The following STIMATE variants were observed in gnomAD, a reference collection of about 807,000 sequenced individuals.
The protein encoded by STIMATE is store-operated calcium entry regulator STIMATE.
Under a neutral mutation model 36.7 loss-of-function variants are expected in STIMATE, and 15 were observed. The observed-to-expected ratio is 0.41, with a 90% CI of 0.27 to 0.63. The LOEUF is 0.63. STIMATE is among the 20% of genes least tolerant of loss of function. The probability of loss-of-function intolerance (pLI) is 0.32; values close to 1 mark genes in which losing one functional copy is unlikely to be tolerated. For missense variants in STIMATE, 305 were observed against 397.3 expected (o/e 0.77, Z 1.98); for synonymous variants, 163 against 162.3 (o/e 1.00, Z -0.03).
intron 1 of STIMATE, among the ~76,000 whole-genome samples, chr3:52,877,615 G>A (rs943895704): frequency 1.3e-5 from 2 of 152,166 alleles, no homozygotes; most frequent in African/African-American, 4.8e-5. Flanking sequence ...ATGAAGTCTT[G>A]GATTAAGCTG....
At position 52,865,760 on chromosome 3, in the gene STIMATE, A is replaced by T. The variant is rs184435686; in HGVS notation, c.161-10316T>A. ...TTATCAGTACAAAATATATTCAGTG[A>T]AAAGTCTCCCTTCTGGCTGACATCC... On this transcript the variant is annotated intron_variant, in intron 1 of 7. Transcript: ENST00000355083. Among the ~76,000 whole-genome samples, 7 of 152,306 alleles carry T rather than the reference A, an allele frequency of 4.6e-5. No homozygotes were observed. In the East Asian group the frequency reaches 1.3e-3, roughly 29 times the overall value.
intron 1 of STIMATE, among the ~76,000 whole-genome samples, chr3:52,867,622 C>G (rs116043338): frequency 0.012 from 1,874 of 152,366 alleles, 38 homozygotes; most frequent in African/African-American, 0.042. Context: ...ATTTCTCAAG[C>G]TGTCTCACGG....
At position 52,850,792 on chromosome 3, in the gene STIMATE, G is replaced by A. The variant is rs190533681; in HGVS notation, c.306-879C>T. ...ATTGCCCATGCTGGAGTGCAGCGGT[G>A]CAATCAGCTCACTGCAGCTTCCGCC... On this transcript the variant is annotated intron_variant, in intron 3 of 7. Transcript: ENST00000355083. Among the ~76,000 whole-genome samples the A allele has an allele frequency of 7.4e-3, 1,123 of 152,306 alleles. 120 individuals are homozygous for A. In the South Asian group the frequency reaches 0.21, roughly 28 times the overall value.
In STIMATE at chr3:52,852,698, C is replaced by G; in HGVS notation, c.210G>C (p.Trp70Cys). ...PKHERRPWRIWFLDTSKQAIG... is the reference protein window; with the variant it reads ...PKHERRPWRICFLDTSKQAIG... ...TGGCTTGTTTGGAAGTGTCTAAAAA[C>G]CTGTACAAAATAAACCAGCACTGGT... is the stretch of plus-strand genomic sequence containing the variant. The change falls in exon 3 of 8, where the codon TGG (tryptophan) becomes TGC (cysteine). Residue 70 changes from tryptophan (W) to cysteine (C), a missense_variant and splice_region_variant. By Grantham distance (215) the Trp-to-Cys change is radical (BLOSUM62 -2). Coordinates refer to ENST00000355083, the MANE Select transcript of STIMATE (RefSeq NM_198563.5). 6.2e-7 allele frequency: 1 copy of G among 1,613,808 alleles called. No individual in the cohort carries two copies. Among genetic ancestry groups the G allele is most frequent in the East Asian group, 2.2e-5 (1 of 44,884 alleles).
intron 2 of STIMATE, among the ~76,000 whole-genome samples, chr3:52,855,157 T>C (rs1199088656): frequency 6.6e-6 from 1 of 152,076 alleles, no homozygotes; most frequent in East Asian, 1.9e-4. Flanking sequence ...CTTCTAGAAG[T>C]GGAAGCAGAG....
chr3:52,850,464 C>T (rs1029777949), intron 3 of STIMATE, among the ~76,000 whole-genome samples: 1 of 152,178 alleles, frequency 6.6e-6, no homozygotes, highest in Non-Finnish European at 1.5e-5. Flanking sequence ...CCTGCCAGTG[C>T]TTCTGCCAGG....
chr3:52,840,408 G>C lies in STIMATE; in HGVS notation c.*86C>G, dbSNP rs1488384378. 10 of 1,412,772 alleles carry C rather than the reference G, an allele frequency of 7.1e-6. No homozygotes were observed. The highest frequency in any genetic ancestry group is 5.1e-5 in the South Asian group (4 of 78,318). 87.5% of individuals were successfully genotyped at this position (1,412,772 alleles called of 1,614,324 possible). A position where few individuals can be genotyped will look rare whatever the true frequency, so the allele number is the denominator to read the frequency against. On this transcript the variant is annotated 3_prime_UTR_variant, in exon 8 of 8. Transcript: ENST00000355083. ...AGCAGAGGTAGAAAGGAAGGGCAGA[G>C]AGAGGGTAAGGAACGATGCTGCGGG...
intron 1 of STIMATE, among the ~76,000 whole-genome samples, chr3:52,894,282 C>G (rs1444637175): frequency 6.6e-6 from 1 of 152,190 alleles, no homozygotes; most frequent in African/African-American, 2.4e-5. Context: ...CCCGCCAACT[C>G]AACAAGGCAG....
chr3:52,841,455 A>G (rs1196201007), intron 7 of STIMATE, among the ~76,000 whole-genome samples: 1 of 152,206 alleles, frequency 6.6e-6, no homozygotes, highest in Non-Finnish European at 1.5e-5. Context: ...CAGCTGGGGC[A>G]AACACACTCA....
At position 52,854,562 on chromosome 3, in the gene STIMATE, T is replaced by C. The variant is rs189862833; in HGVS notation, c.209+834A>G. On this transcript the variant is annotated intron_variant, in intron 2 of 7. Coordinates refer to ENST00000355083, the MANE Select transcript of STIMATE (RefSeq NM_198563.5). ...TTCTGGACCTCGCCCTATGCACCTC[T>C]TCATCTAGCGTTCATCTGTGTCCTT... Among the ~76,000 whole-genome samples the C allele has an allele frequency of 5.0e-4, 76 of 152,352 alleles. 1 individual carries two copies. In the East Asian group the frequency reaches 8.3e-3, roughly 17 times the overall value.
rs1403400401 is a variant in STIMATE, at chr3:52,897,356, A to G, written c.95T>C (p.Leu32Pro). 6.5e-7 allele frequency: 1 copy of G among 1,527,302 alleles called. No homozygotes were observed. The allele number at this position is 1,527,302 out of a possible 1,614,324, so 94.6% of individuals were successfully genotyped here. A position where few individuals can be genotyped will look rare whatever the true frequency, so the allele number is the denominator to read the frequency against. Residue 32 changes from leucine (L) to proline (P), a missense_variant, in exon 1 of 8, where the codon CTC (leucine) becomes CCC (proline). Coordinates refer to ENST00000355083, the MANE Select transcript of STIMATE (RefSeq NM_198563.5). Reference protein sequence around the residue: ...SGAGRCESGALMHSFGIFLQG... With the variant: ...SGAGRCESGAPMHSFGIFLQG... ...CAGGAAGATGCCGAAGCTGTGCATG[A>G]GCGCGCCGCTCTCGCAGCGGCCCGC...
chr3:52,857,580 G>T (rs942565527), intron 1 of STIMATE, among the ~76,000 whole-genome samples: 11 of 152,152 alleles, frequency 7.2e-5, no homozygotes, highest in African/African-American at 2.7e-4. Flanking sequence ...TGAGGGGCAT[G>T]TCCTTGTTCC....
intron 1 of STIMATE, among the ~76,000 whole-genome samples, chr3:52,869,831 T>C (rs941352205): frequency 6.6e-5 from 10 of 152,334 alleles, no homozygotes; most frequent in Admixed American, 1.3e-4. Flanking sequence ...AACCTGGCTT[T>C]AGAGCCGACT....
At chr3:52,886,843 G>C (rs567229349) in intron 1 of STIMATE, among the ~76,000 whole-genome samples, 1 of 152,350 alleles carries the variant, frequency 6.6e-6, no homozygotes, top group South Asian at 2.1e-4. Flanking sequence ...ATGATGCACT[G>C]AGTAGGCCAT....
Position 52,897,537 on chromosome 3 carries a change from G to T in STIMATE, c.-87C>A. Reference sequence around the variant, plus strand: ...GCAGCGCCGCCAAACCCGCAGCCGGGATCCCAAGCCTGAGCCGGTACCTCC... The same window carrying T: ...GCAGCGCCGCCAAACCCGCAGCCGGTATCCCAAGCCTGAGCCGGTACCTCC... On this transcript the variant is annotated 5_prime_UTR_variant, in exon 1 of 8. Transcript: ENST00000355083. The T allele has an allele frequency of 3.4e-6, 4 of 1,179,298 alleles. No individual in the cohort carries two copies. Among genetic ancestry groups the T allele is most frequent in the Non-Finnish European group, 4.2e-6 (4 of 955,060 alleles). 73.1% of individuals were successfully genotyped at this position (1,179,298 alleles called of 1,614,324 possible).
chr3:52,842,249 G>A (rs556293829), intron 7 of STIMATE, among the ~76,000 whole-genome samples: 7 of 152,260 alleles, frequency 4.6e-5, no homozygotes, highest in African/African-American at 1.7e-4. Context: ...CTGCGGGGCC[G>A]CCAGAACACA....
chr3:52,897,521 C>T lies in STIMATE; in HGVS notation c.-71G>A. 3.4e-6 allele frequency: 4 copies of T among 1,186,912 alleles called. No individual in the cohort carries two copies. The highest frequency in any genetic ancestry group is 4.2e-6 in the Non-Finnish European group (4 of 960,084). 73.5% of individuals were successfully genotyped at this position (1,186,912 alleles called of 1,614,324 possible). A position where few individuals can be genotyped will look rare whatever the true frequency, so the allele number is the denominator to read the frequency against. On this transcript the variant is annotated 5_prime_UTR_variant, in exon 1 of 8. Coordinates refer to ENST00000355083, the MANE Select transcript of STIMATE (RefSeq NM_198563.5). ...CTCGCTGCCTGCCGGCGCAGCGCCG[C>T]CAAACCCGCAGCCGGGATCCCAAGC... is the stretch of plus-strand genomic sequence containing the variant.
chr3:52,879,485 C>A (rs1164929625), intron 1 of STIMATE, among the ~76,000 whole-genome samples: 1 of 152,170 alleles, frequency 6.6e-6, no homozygotes, highest in Non-Finnish European at 1.5e-5. Flanking sequence ...TTAGGAAGAA[C>A]AGGAGGACCA....
chr3:52,861,775 C>A (rs1286819660), intron 1 of STIMATE, among the ~76,000 whole-genome samples: 2 of 152,184 alleles, frequency 1.3e-5, no homozygotes, highest in African/African-American at 4.8e-5. Context: ...TTGGGTCTGC[C>A]AGCTGCAACC....
Sources: gnomAD v4.1 joint callset for allele counts (sites outside exome capture counted in the v4.1 genomes callset) on GRCh38, gnomAD v4.1.1 for gene constraint, MANE v1.5 for transcripts, NCBI Gene and HGNC (gene_info 2026-07-23, HGNC 2026-07-21) for gene names.